The following RBM33 variants were observed in gnomAD, a reference collection of about 807,000 sequenced individuals.
The protein encoded by RBM33 is RNA binding motif protein 33.
A neutral mutation model predicts 132.6 loss-of-function variants in RBM33; 28 were observed. The observed-to-expected ratio is 0.21, with a 90% CI of 0.16 to 0.29. The LOEUF (loss-of-function observed/expected upper bound fraction) is 0.29. Ranked by LOEUF, RBM33 falls within the 10% of genes least tolerant of loss-of-function variation. The pLI is 1.00. For synonymous variants in RBM33, 634 were observed against 593.0 expected (o/e 1.07, Z -1.01); for missense variants, 1,291 against 1,518.5 (o/e 0.85, Z 2.49).
intron 9 of RBM33, among the ~76,000 whole-genome samples, chr7:155,734,316 G>A (rs1405657679): frequency 6.6e-6 from 1 of 152,166 alleles, no homozygotes; most frequent in Non-Finnish European, 1.5e-5. Flanking sequence ...ATTGAAATCA[G>A]CCCCATCCAA....
At chr7:155,732,181 T>A (rs1259976130) in intron 9 of RBM33, among the ~76,000 whole-genome samples, 1 of 152,206 alleles carries the variant, frequency 6.6e-6, no homozygotes, top group South Asian at 2.1e-4. Flanking sequence ...TAGGAGAGAG[T>A]GGCAGTGTGT....
chr7:155,658,007 T>C (rs879527673), intron 1 of RBM33, among the ~76,000 whole-genome samples: 2 of 152,232 alleles, frequency 1.3e-5, no homozygotes, highest in Admixed American at 1.3e-4. Flanking sequence ...TTGAGTCCTC[T>C]ATATCCTTAT....
intron 5 of RBM33, among the ~76,000 whole-genome samples, chr7:155,691,980 G>A (rs1799656054): frequency 6.6e-6 from 1 of 151,954 alleles, no homozygotes; most frequent in South Asian, 2.1e-4. Context: ...GAGCCCAGGA[G>A]GTGGAGGTTG....
rs186068274 is a variant in RBM33, at chr7:155,664,480, G to A, written c.44-695G>A. 6.4e-3 allele frequency among the ~76,000 whole-genome samples: 959 copies of A among 150,942 alleles called. 32 individuals are homozygous for A. In the East Asian group the frequency reaches 0.093, roughly 15 times the overall value. Reference sequence around the variant, plus strand: ...GAGGTGGGGCTTTGCTATGTTGGCCGAGCTGGTCTCAAACGCCTGACCTCA... The same window carrying A: ...GAGGTGGGGCTTTGCTATGTTGGCCAAGCTGGTCTCAAACGCCTGACCTCA... On this transcript the variant is annotated intron_variant, in intron 1 of 17. Coordinates refer to ENST00000401878, the MANE Select transcript of RBM33 (RefSeq NM_053043.3).
intron 1 of RBM33, among the ~76,000 whole-genome samples, chr7:155,652,231 A>G (rs1314081805): frequency 2.6e-5 from 4 of 152,230 alleles, no homozygotes; most frequent in Non-Finnish European, 4.4e-5. Context: ...CTTTTTCTGT[A>G]AAGGGTCAGA....
chr7:155,712,604 A>G (rs981167153), intron 8 of RBM33, among the ~76,000 whole-genome samples: 42 of 152,324 alleles, frequency 2.8e-4, no homozygotes, highest in African/African-American at 9.6e-4. Context: ...TGAGCAGGAA[A>G]GAGTTGAGGG....
intron 9 of RBM33, among the ~76,000 whole-genome samples, chr7:155,731,653 CAGAA>C (rs146245201): frequency 0.015 from 2,279 of 152,248 alleles, 53 homozygotes; most frequent in African/African-American, 0.051. Context: ...TCATGCTACT[CAGAA>C]AGGTGTATGG....
chr7:155,735,914 G>A (rs1801112197), intron 9 of RBM33, among the ~76,000 whole-genome samples: 1 of 152,152 alleles, frequency 6.6e-6, no homozygotes, highest in South Asian at 2.1e-4. Flanking sequence ...CTAGAGAAGT[G>A]ACACTCCCTA....
chr7:155,716,538 TCTAAGTGGTAC>T (rs1324464606), intron 8 of RBM33, among the ~76,000 whole-genome samples: 4 of 152,180 alleles, frequency 2.6e-5, no homozygotes, highest in Non-Finnish European at 1.5e-5. Flanking sequence ...ATTCCAAGTT[TCTAAGTGGTAC>T]CTATGATCGA....
At chr7:155,697,630 T>A (rs540511075) in intron 5 of RBM33, among the ~76,000 whole-genome samples, 243 of 152,284 alleles carry the variant, frequency 1.6e-3, no homozygotes, top group African/African-American at 5.5e-3. Context: ...CTACCCATTG[T>A]TTCTGTTTAG....
In RBM33 at chr7:155,737,641, C is replaced by G. The variant is rs1801172312; in HGVS notation, c.1372C>G (p.Arg458Gly). 3.1e-6 allele frequency: 5 copies of G among 1,594,498 alleles called. No individual in the cohort carries two copies. The highest frequency in any genetic ancestry group is 4.3e-6 in the Non-Finnish European group (5 of 1,173,540). Residue 458 changes from arginine to glycine, a missense_variant, in exon 10 of 18, where the codon CGA (arginine) becomes GGA (glycine). By Grantham distance (125) the Arg-to-Gly change is moderately radical (BLOSUM62 -2). Transcript: ENST00000401878. Reference protein sequence around the residue: ...QWRAPPPPQDRDPFFLGVSGE... With the variant: ...QWRAPPPPQDGDPFFLGVSGE... The stretch of plus-strand genomic sequence containing the variant: ...GAGAGCCCCACCCCCGCCTCAGGAT[C>G]GAGACCCTTTCTTCTTAGGAGGTAC...
rs557044561 is a variant in RBM33 at position 155,737,249 on chromosome 7, T to C, written c.1261-281T>C. 1.4e-3 allele frequency among the ~76,000 whole-genome samples: 216 copies of C among 150,758 alleles called. 4 individuals carry two copies. The highest frequency in any genetic ancestry group is 5.1e-3 in the African/African-American group (206 of 40,756). ...AAGCGCTACCATCTAGGTGCGCGTGTGTGTGTGTGTGTGTGTGATTACAAT... is the reference window on the plus strand; with the variant it reads ...AAGCGCTACCATCTAGGTGCGCGTGCGTGTGTGTGTGTGTGTGATTACAAT... On this transcript the variant is annotated intron_variant, in intron 9 of 17. Transcript: ENST00000401878.
intron 1 of RBM33, among the ~76,000 whole-genome samples, chr7:155,651,839 G>A (rs1798364261): frequency 6.6e-6 from 1 of 152,112 alleles, no homozygotes; most frequent in South Asian, 2.1e-4. Flanking sequence ...ACAAACAAAT[G>A]ACCAATGAGG....
intron 14 of RBM33, among the ~76,000 whole-genome samples, chr7:155,747,127 G>T (rs771831084): frequency 1.3e-5 from 2 of 152,164 alleles, no homozygotes; most frequent in Non-Finnish European, 2.9e-5. Flanking sequence ...TATCCAGTAG[G>T]ATAGTCTTTA....
intron 3 of RBM33, among the ~76,000 whole-genome samples, chr7:155,676,080 T>G (rs1159377295): frequency 6.6e-6 from 1 of 152,164 alleles, no homozygotes; most frequent in African/African-American, 2.4e-5. Flanking sequence ...AACAATTTTT[T>G]TCTCCCACTG....
intron 14 of RBM33, among the ~76,000 whole-genome samples, chr7:155,757,282 A>G (rs984268227): frequency 5.9e-5 from 9 of 152,152 alleles, no homozygotes; most frequent in Non-Finnish European, 1.3e-4. Flanking sequence ...ACTGGAGTAA[A>G]ACCCGGGAAC....
intron 13 of RBM33, among the ~76,000 whole-genome samples, chr7:155,744,365 A>G (rs1472951226): frequency 6.6e-6 from 1 of 152,230 alleles, no homozygotes; most frequent in Non-Finnish European, 1.5e-5. Flanking sequence ...TTGGAATATT[A>G]AAGGCGTTCC....
At chr7:155,693,338 T>TC (rs965596346) in intron 5 of RBM33, among the ~76,000 whole-genome samples, 11 of 151,376 alleles carry the variant, frequency 7.3e-5, no homozygotes, top group African/African-American at 2.4e-4. Flanking sequence ...TTTTCTTTTT[T>TC]TTTTTCTTTT....
chr7:155,745,362 G>T lies in RBM33; in HGVS notation c.2739G>T (p.Leu913Phe). ...QGQQMKALKHLRQTRTVPQSQ... is the reference protein window; with the variant it reads ...QGQQMKALKHFRQTRTVPQSQ... The stretch of plus-strand genomic sequence containing the variant: ...AACAGATGAAAGCACTGAAACATTT[G>T]AGACAGACCAGAACAGTTCCTCAAA... The change falls in exon 14 of 18, where the codon TTG (leucine) becomes TTT (phenylalanine). Residue 913 changes from leucine to phenylalanine, a missense_variant. Transcript: ENST00000401878. The surrounding 1 kb of genome is among the most constrained non-coding windows in gnomAD (Gnocchi z 4.1). The T allele has an allele frequency of 6.2e-7, 1 of 1,613,238 alleles. No individual in the cohort carries two copies. The highest frequency in any genetic ancestry group is 1.1e-5 in the South Asian group (1 of 90,828).
Sources: gnomAD v4.1 joint callset for allele counts (sites outside exome capture counted in the v4.1 genomes callset) on GRCh38, gnomAD v4.1.1 for gene constraint, Gnocchi (gnomAD v3.1) non-coding constraint, MANE v1.5 for transcripts, NCBI Gene and HGNC (gene_info 2026-07-23, HGNC 2026-07-21) for gene names.